Variants in TM4SF18 observed in about 807,000 individuals in gnomAD.
The protein encoded by TM4SF18 is transmembrane 4 L6 family member 18.
Under a neutral mutation model 23.8 loss-of-function variants are expected in TM4SF18, and 22 were observed. The observed-to-expected ratio is 0.92, with a 90% CI of 0.66 to 1.32. TM4SF18 has a LOEUF of 1.32. Among genes scored for constraint, TM4SF18 ranks in the 40% most tolerant of loss-of-function variants. The pLI is 0.00. For synonymous variants in TM4SF18, 87 were observed against 87.9 expected, an observed-to-expected ratio of 0.99 and a Z score of 0.06; for missense variants, 255 against 240.3, an observed-to-expected ratio of 1.06 and a Z score of -0.41.
chr3:149,330,300 A>T (rs779206062), intron 3 of TM4SF18, 30 bp downstream of exon 3: 1 of 1,514,116 alleles, frequency 6.6e-7, no homozygotes, highest in Non-Finnish European at 9.1e-7. Flanking sequence ...GAGCCCACTC[A>T]ACCATCCTCA....
chr3:149,325,060 T>A (rs1467921576), intron 3 of TM4SF18, 38 bp from the exon 4 acceptor site: 1 of 1,598,948 alleles, frequency 6.3e-7, no homozygotes, highest in Non-Finnish European at 8.5e-7. Flanking sequence ...TACCATAGAA[T>A]GCGACAAGGG....
Position 149,322,383 on chromosome 3 carries a change from A to G in TM4SF18, c.464T>C (p.Val155Ala), listed in dbSNP as rs1196018031. The G allele has an allele frequency of 6.2e-7, 1 of 1,614,138 alleles. No individual in the cohort carries two copies. The highest frequency in any genetic ancestry group is 2.2e-5 in the East Asian group (1 of 44,872). Residue 155 changes from valine to alanine, a missense_variant, in exon 5 of 6, where the codon GTG becomes GCG. By Grantham distance (64) the Val-to-Ala change is moderately conservative. Transcript: ENST00000296059. The stretch of plus-strand genomic sequence containing the variant: ...GGAAAATAAAATGATGTTCCACTCC[A>G]CAACATGTGCAGGTTCCAGGCACTG... ...WIQCLEPAHV[V>A]EWNIILFSIL...
intron 5 of TM4SF18, 50 bp from the exon 6 acceptor site, chr3:149,321,542 GATTAGTAATCCGT>G: frequency 7.4e-7 from 1 of 1,342,634 alleles, no homozygotes; most frequent in African/African-American, 1.5e-5. Flanking sequence ...AACTTGGCTT[GATTAGTAATCCGT>G]AATCCAGATA....
In TM4SF18 at chr3:149,320,906, A is replaced by G. The variant is rs894369669; in HGVS notation, c.*572T>C. 6.6e-6 allele frequency: 1 copy of G among 152,246 alleles called. No homozygotes were observed. Among genetic ancestry groups the G allele is most frequent in the Admixed American group, 6.5e-5 (1 of 15,288 alleles). 9.4% of individuals were successfully genotyped at this position (152,246 alleles called of 1,614,324 possible). ...GATTTAGTTTTCATCCTAAACTTTG[A>G]CTATTAGTGTTTCATTTGCTTTAAA... On this transcript the variant is annotated 3_prime_UTR_variant, in exon 6 of 6. Transcript: ENST00000296059.
At chr3:149,331,772 CAT>C (rs1032206048) in intron 2 of TM4SF18, among the ~76,000 whole-genome samples, 2 of 152,202 alleles carry the variant, frequency 1.3e-5, no homozygotes, top group African/African-American at 4.8e-5. Context: ...TGTTTTCCCA[CAT>C]ATGTCTATTT....
At chr3:149,332,541 GGTCTA>G (rs1401757147) in intron 2 of TM4SF18, among the ~76,000 whole-genome samples, 1 of 151,914 alleles carries the variant, frequency 6.6e-6, no homozygotes, top group Non-Finnish European at 1.5e-5. Flanking sequence ...CCATTATTAG[GGTCTA>G]ATGTAGGACT....
intron 3 of TM4SF18, among the ~76,000 whole-genome samples, chr3:149,326,422 A>G (rs1730948247): frequency 6.6e-6 from 1 of 152,200 alleles, no homozygotes; most frequent in African/African-American, 2.4e-5. Flanking sequence ...GGTTAAGAGT[A>G]TCCTTCAGAT....
intron 1 of TM4SF18, 37 bp downstream of exon 1, chr3:149,333,476 C>CTATA: frequency 2.1e-6 from 1 of 478,140 alleles, no homozygotes; most frequent in Non-Finnish European, 2.9e-6. Context: ...TTTTCTCTCT[C>CTATA]TCTCTCTTTT....
intron 3 of TM4SF18, among the ~76,000 whole-genome samples, chr3:149,329,023 T>C (rs1298890700): frequency 6.6e-6 from 1 of 152,156 alleles, no homozygotes; most frequent in Non-Finnish European, 1.5e-5. Context: ...ATCACATATA[T>C]TTGTTTTCTA....
chr3:149,330,309 CA>C lies in TM4SF18; in HGVS notation c.267+20del, dbSNP rs746319625. 5.1e-6 allele frequency: 8 copies of C among 1,578,742 alleles called. No homozygotes were observed. The Admixed American group carries it at 5.1e-5, about 10-fold the overall frequency. ...AAGCTGGAGCCCACTCAACCATCCT[CA>C]AAAAAACTGTTGCTCTTACCACATA... On this transcript the variant is annotated intron_variant, in intron 3 of 5. Transcript: ENST00000296059.
Position 149,324,986 on chromosome 3 carries a change from C to T in TM4SF18, c.304G>A (p.Ala102Thr). The T allele has an allele frequency of 6.2e-7, 1 of 1,614,016 alleles. No individual in the cohort carries two copies. Among genetic ancestry groups the T allele is most frequent in the Non-Finnish European group, 8.5e-7 (1 of 1,179,974 alleles). Residue 102 changes from alanine to threonine, a missense_variant, in exon 4 of 6, where the codon GCT (alanine) becomes ACT (threonine). Ala to Thr is a moderately conservative substitution (Grantham distance 58). Transcript: ENST00000296059. Reference protein sequence around the residue: ...LSIIFSSLGIAFSGYCLVISA... With the variant: ...LSIIFSSLGITFSGYCLVISA... ...ATGACCAGGCAGTATCCAGAAAAAGCAATTCCGAGGGAAGAAAAGATAATT... is the reference window on the plus strand; with the variant it reads ...ATGACCAGGCAGTATCCAGAAAAAGTAATTCCGAGGGAAGAAAAGATAATT...
intron 3 of TM4SF18, among the ~76,000 whole-genome samples, chr3:149,329,156 TCACACACACACA>T (rs33985529): frequency 3.9e-4 from 56 of 142,230 alleles, no homozygotes; most frequent in African/African-American, 1.1e-3. Context: ...AGTCAACTGG[TCACACACACACA>T]CACACACACA....
chr3:149,324,981 A>C lies in TM4SF18; in HGVS notation c.309T>G (p.Phe103Leu). The C allele has an allele frequency of 6.2e-7, 1 of 1,614,172 alleles. No individual in the cohort carries two copies. The highest frequency in any genetic ancestry group is 8.5e-7 in the Non-Finnish European group (1 of 1,180,012). Residue 103 changes from phenylalanine (F) to leucine (L), a missense_variant, in exon 4 of 6, where the codon TTT becomes TTG. Physicochemically the swap from Phe to Leu is conservative, Grantham distance 22. Coordinates refer to ENST00000296059, the MANE Select transcript of TM4SF18 (RefSeq NM_138786.4). ...CAGAGATGACCAGGCAGTATCCAGA[A>C]AAAGCAATTCCGAGGGAAGAAAAGA... Reference protein sequence around the residue: ...SIIFSSLGIAFSGYCLVISAL... With the variant: ...SIIFSSLGIALSGYCLVISAL...
At chr3:149,327,277 A>T (rs182651739) in intron 3 of TM4SF18, among the ~76,000 whole-genome samples, 10 of 152,274 alleles carry the variant, frequency 6.6e-5, no homozygotes, top group Admixed American at 6.5e-4. Flanking sequence ...CAAGTCTTGT[A>T]ATTGGTTTTT....
intron 2 of TM4SF18, among the ~76,000 whole-genome samples, chr3:149,330,747 C>G (rs1277475064): frequency 6.6e-6 from 1 of 152,162 alleles, no homozygotes; most frequent in African/African-American, 2.4e-5. Flanking sequence ...GAGAATACCA[C>G]CCTGGGCAGC....
chr3:149,330,832 C>T (rs924980684), intron 2 of TM4SF18, among the ~76,000 whole-genome samples: 3 of 152,112 alleles, frequency 2.0e-5, no homozygotes, highest in African/African-American at 7.2e-5. Flanking sequence ...AGTTTGCCAG[C>T]CTCTCTTCAT....
rs1730820532 is a variant in TM4SF18, at chr3:149,322,149, AT to A, written c.591+106del. On this transcript the variant is annotated intron_variant, in intron 5 of 5. Coordinates refer to ENST00000296059, the MANE Select transcript of TM4SF18 (RefSeq NM_138786.4). The stretch of plus-strand genomic sequence containing the variant: ...TTGAATAAAGATGAGGGCAATAGAA[AT>A]GGGGGGAAAGTGATGGAATTCTAGA... 8 of 982,888 alleles carry A rather than the reference AT, an allele frequency of 8.1e-6. No homozygotes were observed. In the South Asian group the frequency reaches 1.4e-4, roughly 18 times the overall value. The allele number at this position is 982,888 out of a possible 1,614,324, so 60.9% of individuals were successfully genotyped here.
chr3:149,325,914 A>C (rs941551589), intron 3 of TM4SF18, among the ~76,000 whole-genome samples: 1 of 152,144 alleles, frequency 6.6e-6, no homozygotes, highest in Non-Finnish European at 1.5e-5. Context: ...CACCTACATG[A>C]ATATTTTACC....
chr3:149,322,816 T>C (rs967062229), intron 4 of TM4SF18, among the ~76,000 whole-genome samples: 1 of 151,946 alleles, frequency 6.6e-6, no homozygotes, highest in Admixed American at 6.6e-5. Context: ...TTGTCTCCAA[T>C]GGGAAAGAGC....
Sources: allele counts gnomAD v4.1 joint callset (sites outside exome capture counted in the v4.1 genomes callset), GRCh38; gene constraint gnomAD v4.1.1; transcripts MANE v1.5; gene names NCBI Gene and HGNC (gene_info 2026-07-23, HGNC 2026-07-21).